The following SDK1 variants were observed in gnomAD, a reference collection of about 807,000 sequenced individuals.
SDK1 encodes the protein protein sidekick-1.
SDK1 carries 157 observed loss-of-function variants against 245.5 expected under a neutral mutation model. The observed-to-expected ratio is 0.64, with a 90% confidence interval of 0.56 to 0.73. SDK1 has a LOEUF of 0.73. SDK1 is among the 30% of genes least tolerant of loss of function. The pLI, the probability that SDK1 is intolerant of heterozygous loss-of-function variation, is 0.00. For synonymous variants in SDK1, 1,647 were observed against 1,278.5 expected (o/e 1.29, Z -6.15); for missense variants, 3,583 against 3,002.3 (o/e 1.19, Z -4.52).
rs567613510 is a variant in SDK1 at position 3,839,297 on chromosome 7, C to A, written c.847+17714C>A. On this transcript the variant is annotated intron_variant, in intron 5 of 44. Transcript: ENST00000404826. ...AGAGGAGAATTTCAAACATTAGGGT[C>A]GGTATTGAGAAAGTGGATGGCTTTA... Among the ~76,000 whole-genome samples, 3 of 152,222 alleles carry A rather than the reference C, an allele frequency of 2.0e-5. No homozygotes were observed. The East Asian group carries it at 5.8e-4, about 29-fold the overall frequency.
In SDK1 at chr7:4,237,642, C is replaced by T. The variant is rs1242700233; in HGVS notation, c.5993-5C>T. The T allele has an allele frequency of 6.2e-7, 1 of 1,614,020 alleles. No individual in the cohort carries two copies. Among genetic ancestry groups the T allele is most frequent in the African/African-American group, 1.3e-5 (1 of 74,906 alleles). ...TGTCATTGTGTGTCCGTGTCTTTTC[C>T]ACAGCTCAAGTGGAAGCCCCATTCT... On this transcript the variant is annotated splice_polypyrimidine_tract_variant and splice_region_variant and intron_variant, in intron 41 of 44. Transcript: ENST00000404826.
At chr7:4,118,606 T>TGGCTCACTGCAACCTCTGCCTCCTGGGTG (rs1554347672) in intron 25 of SDK1, among the ~76,000 whole-genome samples, 3 of 150,656 alleles carry the variant, frequency 2.0e-5, no homozygotes, top group African/African-American at 2.4e-5. Flanking sequence ...AAAACATATG[T>TGGCTCACTGCAACCTCTGCCTCCTGGGTG]CTACACAAAA....
chr7:3,570,610 T>C (rs1312240587), intron 1 of SDK1, among the ~76,000 whole-genome samples: 1 of 152,218 alleles, frequency 6.6e-6, no homozygotes, highest in East Asian at 1.9e-4. Flanking sequence ...TATCTGGAAA[T>C]ACTTCTTGTT....
intron 4 of SDK1, among the ~76,000 whole-genome samples, chr7:3,677,115 G>T (rs377649546): frequency 1.3e-5 from 2 of 152,022 alleles, no homozygotes; most frequent in South Asian, 2.1e-4. Context: ...CCTTTTCTTA[G>T]TGAAGACTTT....
chr7:3,934,540 C>T (rs1166377485), intron 5 of SDK1, among the ~76,000 whole-genome samples: 2 of 152,242 alleles, frequency 1.3e-5, no homozygotes, highest in Non-Finnish European at 2.9e-5. Context: ...GTTGTAGGAA[C>T]AGGTGTTGAT....
chr7:4,065,342 G>A (rs6462575), intron 19 of SDK1, among the ~76,000 whole-genome samples: 39,255 of 152,086 alleles, frequency 0.26, 7,679 homozygotes, highest in African/African-American at 0.56. Context: ...GAAGTTGTTG[G>A]GAGAGGGTAG....
At chr7:3,596,597 G>T (rs61425932) in intron 1 of SDK1, among the ~76,000 whole-genome samples, 22,098 of 152,076 alleles carry the variant, frequency 0.15, 2,712 homozygotes, top group East Asian at 0.34. Flanking sequence ...AGTTCCCTCA[G>T]GCCCTTCCAA....
chr7:3,865,952 A>T (rs1008457235), intron 5 of SDK1, among the ~76,000 whole-genome samples: 2 of 152,224 alleles, frequency 1.3e-5, no homozygotes, highest in African/African-American at 4.8e-5. Flanking sequence ...TGTATTTGAA[A>T]AGCAGAGAGA....
At chr7:3,463,799 A>G (rs1025806873) in intron 1 of SDK1, among the ~76,000 whole-genome samples, 2 of 152,044 alleles carry the variant, frequency 1.3e-5, no homozygotes, top group Non-Finnish European at 2.9e-5. Context: ...GGCTTTTAAC[A>G]TGTTCCCTCC....
intron 22 of SDK1, 66 bp downstream of exon 22, chr7:4,079,650 G>A (rs1780932292): frequency 2.5e-6 from 4 of 1,595,578 alleles, no homozygotes; most frequent in African/African-American, 2.7e-5. Context: ...GTGAATGAGT[G>A]GTACCCCTGC....
chr7:3,615,953 C>T lies in SDK1; in HGVS notation c.299-3127C>T, dbSNP rs938291037. On this transcript the variant is annotated intron_variant, in intron 1 of 44. Transcript: ENST00000404826. ...AGGCTGGAGTGCAGTGGCACAATCA[C>T]GGCTCACTGCAGCCTTGACTTCCTT... Among the ~76,000 whole-genome samples, 42 of 151,902 alleles carry T rather than the reference C, an allele frequency of 2.8e-4. 1 individual carries two copies. Among genetic ancestry groups the T allele is most frequent in the Admixed American group, 2.4e-3 (37 of 15,224 alleles).
intron 5 of SDK1, among the ~76,000 whole-genome samples, chr7:3,889,113 C>T (rs569445575): frequency 1.3e-5 from 2 of 152,322 alleles, no homozygotes; most frequent in East Asian, 3.9e-4. Context: ...CAGCTCTTAG[C>T]ACTCTTAAGG....
intron 1 of SDK1, among the ~76,000 whole-genome samples, chr7:3,507,835 T>C (rs1782442082): frequency 6.6e-6 from 1 of 152,324 alleles, no homozygotes; most frequent in East Asian, 1.9e-4. Context: ...CCTTATCTAA[T>C]TCCCAACCTG....
chr7:3,760,627 G>A (rs933363238), intron 4 of SDK1, among the ~76,000 whole-genome samples: 1 of 152,182 alleles, frequency 6.6e-6, no homozygotes, highest in Non-Finnish European at 1.5e-5. Flanking sequence ...TCAGGATTGT[G>A]ATTTGGGGGA....
Position 3,370,575 on chromosome 7 carries a change from C to G in SDK1, c.298+68691C>G, listed in dbSNP as rs558953066. ...AACGTGGTGGTGGACTACTTGGGCC[C>G]GATATACCGCTTCCAAATTCTCGTT... On this transcript the variant is annotated intron_variant, in intron 1 of 44. Transcript: ENST00000404826. 2.6e-5 allele frequency among the ~76,000 whole-genome samples: 4 copies of G among 152,240 alleles called. No individual in the cohort carries two copies. In the East Asian group the frequency reaches 5.8e-4, roughly 22 times the overall value.
At chr7:3,588,972 G>A (rs540460410) in intron 1 of SDK1, among the ~76,000 whole-genome samples, 11 of 152,264 alleles carry the variant, frequency 7.2e-5, no homozygotes, top group African/African-American at 2.6e-4. Flanking sequence ...TAGGATTTTA[G>A]TATCTTGACA....
At chr7:3,672,724 TA>T (rs1229247262) in intron 4 of SDK1, among the ~76,000 whole-genome samples, 5 of 121,154 alleles carry the variant, frequency 4.1e-5, no homozygotes, top group South Asian at 4.9e-4. Context: ...TTATATTAAA[TA>T]AAAATGTAAT....
At chr7:4,158,944 A>G (rs1780942201) in intron 31 of SDK1, among the ~76,000 whole-genome samples, 1 of 152,256 alleles carries the variant, frequency 6.6e-6, no homozygotes, top group Admixed American at 6.5e-5. Context: ...AGGTCTCCTC[A>G]GAGCTCCAGG....
Position 4,012,549 on chromosome 7 carries a change from C to CTT in SDK1, c.2420+356_2420+357dup, listed in dbSNP as rs777199429. On this transcript the variant is annotated intron_variant, in intron 16 of 44. Coordinates refer to ENST00000404826, the MANE Select transcript of SDK1 (RefSeq NM_152744.4). ...GCAAGGTATATTGTTCAATGTGAAGCTTTTTTTTTTTTTTTTTTTTTTTTT... is the reference window on the plus strand; with the variant it reads ...GCAAGGTATATTGTTCAATGTGAAGCTTTTTTTTTTTTTTTTTTTTTTTTTTT... 5.6e-3 allele frequency among the ~76,000 whole-genome samples: 145 copies of CTT among 25,974 alleles called. 37 individuals are homozygous for CTT. Among genetic ancestry groups the CTT allele is most frequent in the Non-Finnish European group, 1.0e-2 (100 of 10,030 alleles). The allele number at this position is 25,974 out of a possible 152,430, so 17.0% of individuals were successfully genotyped here. A position where few individuals can be genotyped will look rare whatever the true frequency, so the allele number is the denominator to read the frequency against.
Sources: gnomAD v4.1 joint callset for allele counts (sites outside exome capture counted in the v4.1 genomes callset) on GRCh38, gnomAD v4.1.1 for gene constraint, MANE v1.5 for transcripts, NCBI Gene and HGNC (gene_info 2026-07-23, HGNC 2026-07-21) for gene names.